Variants in CLDN10 observed in about 807,000 individuals in gnomAD.
CLDN10 encodes claudin-10.
CLDN10 carries 15 observed loss-of-function variants against 22.9 expected under a neutral mutation model. The ratio of observed to expected loss-of-function variants is 0.65; its 90% confidence interval spans 0.44 to 1.01. The LOEUF is 1.01. CLDN10 is among the 50% of genes least tolerant of loss of function. The pLI, the probability that CLDN10 is intolerant of heterozygous loss-of-function variation, is 0.00. For synonymous variants in CLDN10, 114 were observed against 111.4 expected (o/e 1.02, Z -0.15); for missense variants, 247 against 287.8 (o/e 0.86, Z 1.03).
At chr13:95,559,642 T>C (rs2138656758) in intron 1 of CLDN10, among the ~76,000 whole-genome samples, 1 of 152,342 alleles carries the variant, frequency 6.6e-6, no homozygotes, top group Middle Eastern at 3.4e-3. Flanking sequence ...CACCCAGTTA[T>C]AAATCTTATC....
chr13:95,532,792 CAAAAAAA>C (rs57500288), intron 1 of CLDN10, among the ~76,000 whole-genome samples: 21 of 62,026 alleles, frequency 3.4e-4, no homozygotes, highest in African/African-American at 9.3e-4. Flanking sequence ...CTCAATTCAG[CAAAAAAA>C]AAAAAAAAAA....
At chr13:95,479,358 A>G (rs1026388344) in intron 1 of CLDN10, 2 of 152,104 alleles carry the variant, frequency 1.3e-5, no homozygotes, top group African/African-American at 2.4e-5. Flanking sequence ...TCGGGGGGAA[A>G]AAAAGTGGCC....
At chr13:95,532,290 C>T (rs140582404) in intron 1 of CLDN10, among the ~76,000 whole-genome samples, 18 of 152,182 alleles carry the variant, frequency 1.2e-4, no homozygotes, top group Admixed American at 4.6e-4. Context: ...ATAGAAACAG[C>T]TCTTACAAAA....
At chr13:95,577,171 T>A (rs1380046808) in intron 3 of CLDN10, 60 bp from the exon 4 acceptor site, 3 of 1,148,292 alleles carry the variant, frequency 2.6e-6, no homozygotes, top group Non-Finnish European at 3.9e-6. Flanking sequence ...CTATCAGTGT[T>A]AAATACTGTT....
chr13:95,481,280 G>C (rs877960), intron 1 of CLDN10, among the ~76,000 whole-genome samples: 2 of 151,952 alleles, frequency 1.3e-5, no homozygotes, highest in African/African-American at 2.4e-5. Flanking sequence ...GACTCAGTGC[G>C]GACCTTGCCT....
intron 3 of CLDN10, among the ~76,000 whole-genome samples, chr13:95,571,983 C>G (rs528826382): frequency 1.8e-4 from 28 of 152,252 alleles, no homozygotes; most frequent in Admixed American, 3.3e-4. Context: ...AGCTCTGTGA[C>G]CTTCAGCAAG....
intron 1 of CLDN10, among the ~76,000 whole-genome samples, chr13:95,470,567 C>T (rs947356926): frequency 6.6e-6 from 1 of 152,172 alleles, no homozygotes; most frequent in African/African-American, 2.4e-5. Flanking sequence ...TACAGCCAAC[C>T]CCCGAAGGCT....
At chr13:95,448,144 C>G (rs1463903227) in intron 1 of CLDN10, among the ~76,000 whole-genome samples, 1 of 152,112 alleles carries the variant, frequency 6.6e-6, no homozygotes, top group East Asian at 1.9e-4. Flanking sequence ...CAGGCAGGTT[C>G]TACAGCTAAC....
intron 1 of CLDN10, among the ~76,000 whole-genome samples, chr13:95,446,427 T>C (rs1236139187): frequency 1.3e-5 from 2 of 152,380 alleles, no homozygotes; most frequent in African/African-American, 2.4e-5. Flanking sequence ...GCAATAAAAA[T>C]ACCTCATCTC....
intron 3 of CLDN10, among the ~76,000 whole-genome samples, chr13:95,576,634 T>G (rs2043931725): frequency 6.6e-6 from 1 of 152,196 alleles, no homozygotes; most frequent in African/African-American, 2.4e-5. Context: ...GGGGAAGTAC[T>G]GTCTTGTTTA....
intron 1 of CLDN10, among the ~76,000 whole-genome samples, chr13:95,545,667 G>A (rs2043500916): frequency 6.6e-6 from 1 of 152,094 alleles, no homozygotes; most frequent in South Asian, 2.1e-4. Context: ...ACCTTAGTTT[G>A]ATGTCCTTTA....
At chr13:95,538,637 T>G (rs960707180) in intron 1 of CLDN10, among the ~76,000 whole-genome samples, 2 of 152,202 alleles carry the variant, frequency 1.3e-5, no homozygotes, top group Non-Finnish European at 2.9e-5. Flanking sequence ...GCCAGCTTCC[T>G]CCTTTCCTGA....
chr13:95,554,823 T>C (rs908988069), intron 1 of CLDN10, among the ~76,000 whole-genome samples: 3 of 152,216 alleles, frequency 2.0e-5, no homozygotes, highest in Non-Finnish European at 4.4e-5. Context: ...ACATTGGACC[T>C]TTTCCAGCTT....
chr13:95,547,912 A>G (rs1031943468), upstream of CLDN10, among the ~76,000 whole-genome samples: 6 of 152,344 alleles, frequency 3.9e-5, no homozygotes, highest in Admixed American at 3.3e-4. Context: ...GGAATAAAAC[A>G]GTAAAGACAC....
intron 1 of CLDN10, among the ~76,000 whole-genome samples, chr13:95,474,802 G>T (rs536719121): frequency 2.0e-5 from 3 of 152,124 alleles, no homozygotes; most frequent in Non-Finnish European, 2.9e-5. Flanking sequence ...TGCCTTTTGG[G>T]AAGCTCATTC....
chr13:95,492,356 TG>T (rs1471575383), intron 1 of CLDN10, among the ~76,000 whole-genome samples: 1 of 138,330 alleles, frequency 7.2e-6, no homozygotes, highest in Non-Finnish European at 1.6e-5. Flanking sequence ...CTGTGGGGGA[TG>T]GGGGTGGGAT....
upstream of CLDN10, among the ~76,000 whole-genome samples, chr13:95,551,175 A>T (rs960263949): frequency 2.0e-5 from 3 of 152,146 alleles, no homozygotes; most frequent in African/African-American, 7.2e-5. Context: ...CTGCAACAAG[A>T]GTAGGACTTA....
At chr13:95,573,564 A>G (rs915265242) in intron 3 of CLDN10, among the ~76,000 whole-genome samples, 1 of 84,910 alleles carries the variant, frequency 1.2e-5, no homozygotes, top group East Asian at 4.5e-4. Context: ...AGATTTCCAG[A>G]CAGAGACTAA....
chr13:95,457,261 T>C (rs2042491141), intron 1 of CLDN10, among the ~76,000 whole-genome samples: 1 of 152,158 alleles, frequency 6.6e-6, no homozygotes, highest in Non-Finnish European at 1.5e-5. Flanking sequence ...ATTAATAAGT[T>C]ACTAAAAAAA....
Sources: gnomAD v4.1 joint callset for allele counts (sites outside exome capture counted in the v4.1 genomes callset) on GRCh38, gnomAD v4.1.1 for gene constraint, MANE v1.5 for transcripts, NCBI Gene and HGNC (gene_info 2026-07-23, HGNC 2026-07-21) for gene names.